Variants in CEP63 observed in about 807,000 individuals in gnomAD.
CEP63 encodes the protein centrosomal protein 63.
A neutral mutation model predicts 89.1 loss-of-function variants in CEP63; 84 were observed. The ratio of observed to expected loss-of-function variants is 0.94; its 90% CI spans 0.79 to 1.13. The LOEUF (loss-of-function observed/expected upper bound fraction) is 1.13. Among genes scored for constraint, CEP63 ranks in the 50% most tolerant of loss-of-function variants. CEP63 has a pLI of 0.00. For missense variants in CEP63, 838 were observed against 813.3 expected (o/e 1.03, Z -0.37); for synonymous variants, 267 against 272.5 (o/e 0.98, Z 0.20).
At chr3:134,578,322 GTTTTTTTTTTTTTTTT>G (rs71139542), downstream of CEP63, among the ~76,000 whole-genome samples, 50 of 62,080 alleles carry the variant, frequency 8.1e-4, no homozygotes, top group Non-Finnish European at 1.1e-3. Context: ...TCTGACTTGT[GTTTTTTTTTTTTTTTT>G]TTTTTTTTTG....
chr3:134,650,902 G>A, the CEP63 span: 1 of 1,613,188 alleles, frequency 6.2e-7, no homozygotes, highest in African/African-American at 1.3e-5. Flanking sequence ...CCGCTTCTCC[G>A]AGTGCACGAT....
At chr3:134,591,956 T>C (rs2107690084), downstream of CEP63, among the ~76,000 whole-genome samples, 1 of 152,300 alleles carries the variant, frequency 6.6e-6, no homozygotes, top group Admixed American at 6.5e-5. Context: ...TACGGCTGTG[T>C]AACAAATTAC....
the CEP63 span, among the ~76,000 whole-genome samples, chr3:134,678,457 G>A: frequency 5.9e-5 from 9 of 152,198 alleles, no homozygotes; most frequent in East Asian, 1.5e-3. Context: ...TGGAAGGAAA[G>A]GCTGTGCATG....
chr3:134,559,663 C>G (rs969240863), intron 14 of CEP63, among the ~76,000 whole-genome samples: 1 of 152,138 alleles, frequency 6.6e-6, no homozygotes, highest in African/African-American at 2.4e-5. Context: ...TGTCTTTAAC[C>G]CTTATTGGAA....
the CEP63 span, among the ~76,000 whole-genome samples, chr3:134,753,564 A>T: frequency 6.6e-6 from 1 of 152,232 alleles, no homozygotes; most frequent in African/African-American, 2.4e-5. Context: ...GCATAAGACA[A>T]GCAAGCACCT....
intron 1 of CEP63, among the ~76,000 whole-genome samples, chr3:134,493,871 A>T (rs1938634165): frequency 6.6e-6 from 1 of 152,184 alleles, no homozygotes; most frequent in African/African-American, 2.4e-5. Context: ...TTAGATGAGG[A>T]TTAGCCCAGG....
intron 2 of CEP63, among the ~76,000 whole-genome samples, chr3:134,500,159 A>G (rs4974483): frequency 0.63 from 96,339 of 152,004 alleles, 31,240 homozygotes; most frequent in East Asian, 0.81. Context: ...TGTGTACTCA[A>G]TGTTTAGCTT....
the CEP63 span, among the ~76,000 whole-genome samples, chr3:134,681,007 CA>C: frequency 1.3e-5 from 2 of 152,188 alleles, no homozygotes; most frequent in Non-Finnish European, 2.9e-5. Flanking sequence ...AGACAGGTGG[CA>C]CTCGGGACAG....
At chr3:134,607,485 C>T in the CEP63 span, 6 of 985,508 alleles carry the variant, frequency 6.1e-6, no homozygotes, top group Non-Finnish European at 7.2e-6. Context: ...GGATGGAGGC[C>T]CCAGTGGCAG....
chr3:134,701,221 T>TACACAC, the CEP63 span, among the ~76,000 whole-genome samples: 2 of 144,074 alleles, frequency 1.4e-5, no homozygotes, highest in South Asian at 4.4e-4. Flanking sequence ...TATATGTGTG[T>TACACAC]ATATATACGT....
At chr3:134,696,736 T>C in the CEP63 span, among the ~76,000 whole-genome samples, 1 of 152,166 alleles carries the variant, frequency 6.6e-6, no homozygotes, top group Non-Finnish European at 1.5e-5. Flanking sequence ...GTGTATAATA[T>C]TGAGTATTCA....
At chr3:134,523,984 A>G (rs1948078391) in intron 3 of CEP63, among the ~76,000 whole-genome samples, 1 of 152,186 alleles carries the variant, frequency 6.6e-6, no homozygotes. Context: ...TTTGGGCAGT[A>G]TAGCCATTTT....
At chr3:134,780,340 G>A in the CEP63 span, among the ~76,000 whole-genome samples, 2 of 152,108 alleles carry the variant, frequency 1.3e-5, no homozygotes, top group East Asian at 1.9e-4. Context: ...ATCATCACCA[G>A]TATTTATTTC....
At chr3:134,655,719 G>T in the CEP63 span, among the ~76,000 whole-genome samples, 1 of 152,176 alleles carries the variant, frequency 6.6e-6, no homozygotes, top group East Asian at 1.9e-4. Context: ...GAAAAGATCA[G>T]CTGTCAGCCT....
Position 134,539,984 on chromosome 3 carries a change from G to A in CEP63, c.555+2716G>A, listed in dbSNP as rs376982354. Among the ~76,000 whole-genome samples, 12 of 152,200 alleles carry A rather than the reference G, an allele frequency of 7.9e-5. No homozygotes were observed. In the East Asian group the frequency reaches 1.9e-3, roughly 25 times the overall value. On this transcript the variant is annotated intron_variant, in intron 6 of 14. Coordinates refer to ENST00000675561, the MANE Select transcript of CEP63 (RefSeq NM_001353108.3). ...TACATACAGTGTGCAGTACATTCATGTACTTTTGATAGGAAAAACCTATAT... is the reference window on the plus strand; with the variant it reads ...TACATACAGTGTGCAGTACATTCATATACTTTTGATAGGAAAAACCTATAT...
At chr3:134,763,893 T>G in the CEP63 span, among the ~76,000 whole-genome samples, 3 of 152,342 alleles carry the variant, frequency 2.0e-5, no homozygotes, top group Non-Finnish European at 4.4e-5. Context: ...CACTGCTCAT[T>G]TCCCAGCATA....
the CEP63 span, among the ~76,000 whole-genome samples, chr3:134,744,769 C>T: frequency 6.6e-6 from 1 of 152,164 alleles, no homozygotes; most frequent in Non-Finnish European, 1.5e-5. Context: ...CCTCCCTCCT[C>T]TTCCTTCCAA....
At chr3:134,623,836 G>A in the CEP63 span, among the ~76,000 whole-genome samples, 2,112 of 152,020 alleles carry the variant, frequency 0.014, 39 homozygotes, top group African/African-American at 0.048. Context: ...CCCCTCCCTG[G>A]ACCTTCCAGA....
the CEP63 span, among the ~76,000 whole-genome samples, chr3:134,776,057 A>G: frequency 6.6e-6 from 1 of 152,196 alleles, no homozygotes; most frequent in African/African-American, 2.4e-5. Context: ...GGGAAGAAAT[A>G]TCTGTGGTGT....
Sources: gnomAD v4.1 joint callset for allele counts (sites outside exome capture counted in the v4.1 genomes callset) on GRCh38, gnomAD v4.1.1 for gene constraint, MANE v1.5 for transcripts, NCBI Gene and HGNC (gene_info 2026-07-23, HGNC 2026-07-21) for gene names.